The following CYP4X1 variants were observed in gnomAD, a reference collection of about 807,000 sequenced individuals.
CYP4X1 encodes the protein cytochrome P450 family 4 subfamily X member 1.
Under a neutral mutation model 57.9 loss-of-function variants are expected in CYP4X1, and 44 were observed. The observed-to-expected ratio is 0.76, with a 90% CI of 0.60 to 0.98. The LOEUF (loss-of-function observed/expected upper bound fraction) is 0.98. Ranked by LOEUF, CYP4X1 falls within the 50% of genes least tolerant of loss-of-function variation. The probability of loss-of-function intolerance (pLI) is 0.00; values close to 1 mark genes in which losing one functional copy is unlikely to be tolerated. For missense variants in CYP4X1, 532 were observed against 623.9 expected, an observed-to-expected ratio of 0.85 and a Z score of 1.57; for synonymous variants, 227 against 228.6, an observed-to-expected ratio of 0.99 and a Z score of 0.06.
At chr1:47,018,342 C>T in the CYP4X1 span, among the ~76,000 whole-genome samples, 4 of 152,082 alleles carry the variant, frequency 2.6e-5, no homozygotes, top group African/African-American at 9.7e-5. Flanking sequence ...AGTACTGGCT[C>T]TATCAGTTTT....
chr1:47,045,999 A>C (rs549319603), intron 8 of CYP4X1, among the ~76,000 whole-genome samples: 1 of 152,304 alleles, frequency 6.6e-6, no homozygotes, highest in African/African-American at 2.4e-5. Context: ...TCCAAGGAGC[A>C]CAAGTCAGAT....
rs748366371 is a variant in CYP4X1, at chr1:47,035,942, T to C, written c.620+9T>C. On this transcript the variant is annotated intron_variant, in intron 5 of 11. Coordinates refer to ENST00000371901, the MANE Select transcript of CYP4X1 (RefSeq NM_178033.2). ...AACTGCCAGACAAACAGGTCAGTGG[T>C]GGGAGAGCAAAAAAGATATTTCTTC... 6.2e-7 allele frequency: 1 copy of C among 1,612,626 alleles called. No homozygotes were observed. Among genetic ancestry groups the C allele is most frequent in the African/African-American group, 1.3e-5 (1 of 74,858 alleles).
the CYP4X1 span, chr1:47,003,046 C>T: frequency 4.9e-3 from 743 of 152,290 alleles, 13 homozygotes; most frequent in East Asian, 0.047. Flanking sequence ...AGGAAGTGAA[C>T]TTTGCGCCCC....
At chr1:47,022,837 T>C (rs1644013195), upstream of CYP4X1, among the ~76,000 whole-genome samples, 1 of 152,178 alleles carries the variant, frequency 6.6e-6, no homozygotes, top group South Asian at 2.1e-4. Flanking sequence ...ATGTGGGCAA[T>C]GCCTATAAAG....
chr1:46,978,936 A>G, the CYP4X1 span, among the ~76,000 whole-genome samples: 1 of 152,214 alleles, frequency 6.6e-6, no homozygotes, highest in Admixed American at 6.5e-5. Flanking sequence ...GTGAGAACAA[A>G]GACACAACAT....
the CYP4X1 span, among the ~76,000 whole-genome samples, chr1:46,989,245 CACA>C: frequency 1.3e-5 from 2 of 151,922 alleles, no homozygotes; most frequent in African/African-American, 4.8e-5. Context: ...AGCATTCCTA[CACA>C]ACAATAATCG....
downstream of CYP4X1, among the ~76,000 whole-genome samples, chr1:47,051,642 T>C (rs1398814999): frequency 6.6e-6 from 1 of 151,778 alleles, no homozygotes; most frequent in East Asian, 1.9e-4. Context: ...CTAAAATCTA[T>C]ATATAAAAAA....
chr1:47,040,999 G>A (rs1467122360), intron 8 of CYP4X1, among the ~76,000 whole-genome samples: 2 of 151,942 alleles, frequency 1.3e-5, no homozygotes, highest in Non-Finnish European at 2.9e-5. Flanking sequence ...CTGCTTCTTT[G>A]AGTTTAATGT....
chr1:46,993,391 A>G, the CYP4X1 span, among the ~76,000 whole-genome samples: 1 of 152,218 alleles, frequency 6.6e-6, no homozygotes. Context: ...CACAATAAAC[A>G]TACATATGCA....
the CYP4X1 span, among the ~76,000 whole-genome samples, chr1:47,007,263 G>T: frequency 6.6e-6 from 1 of 152,320 alleles, no homozygotes; most frequent in East Asian, 1.9e-4. Context: ...AACATTTGCT[G>T]TTCACCAACA....
In CYP4X1 at chr1:47,029,862, G is replaced by A. The variant is rs142024629; in HGVS notation, c.178-128G>A. The A allele has an allele frequency of 3.0e-4, 292 of 970,648 alleles. 1 individual carries two copies. In the East Asian group the frequency reaches 6.6e-3, roughly 22 times the overall value. 60.1% of individuals were successfully genotyped at this position (970,648 alleles called of 1,614,324 possible). A position where few individuals can be genotyped will look rare whatever the true frequency, so the allele number is the denominator to read the frequency against. On this transcript the variant is annotated intron_variant, in intron 1 of 11. Coordinates refer to ENST00000371901, the MANE Select transcript of CYP4X1 (RefSeq NM_178033.2). ...AGAAGTCCCAAAGAAAGCATGTTAT[G>A]TCACTTCCAGAAAAGTCTCAGGCTC...
At chr1:47,007,673 C>A in the CYP4X1 span, among the ~76,000 whole-genome samples, 3 of 152,010 alleles carry the variant, frequency 2.0e-5, no homozygotes, top group Non-Finnish European at 4.4e-5. Context: ...AAGTTAAAAA[C>A]CTTGAAAAAA....
chr1:47,016,396 C>T, the CYP4X1 span, among the ~76,000 whole-genome samples: 4 of 150,608 alleles, frequency 2.7e-5, no homozygotes, highest in South Asian at 2.1e-4. Context: ...GGCTGCAGTG[C>T]AGTGGCGCTA....
the CYP4X1 span, among the ~76,000 whole-genome samples, chr1:46,974,354 T>C: frequency 6.6e-6 from 1 of 152,170 alleles, no homozygotes; most frequent in Admixed American, 6.6e-5. Context: ...AAGCGTAGGG[T>C]CCATTTTAGA....
chr1:47,039,688 A>G lies in CYP4X1; in HGVS notation c.1073+156A>G, dbSNP rs1364352624. On this transcript the variant is annotated intron_variant, in intron 8 of 11. Transcript: ENST00000371901. ...TTCTGTTCTTTCTAAAGAGAGCTCCAAATTATTCTCTTGTCTTTCAGGAAA... is the reference window on the plus strand; with the variant it reads ...TTCTGTTCTTTCTAAAGAGAGCTCCGAATTATTCTCTTGTCTTTCAGGAAA... 4 of 450,200 alleles carry G rather than the reference A, an allele frequency of 8.9e-6. No homozygotes were observed. In the East Asian group the frequency reaches 1.4e-4, roughly 16 times the overall value. 27.9% of individuals were successfully genotyped at this position (450,200 alleles called of 1,614,324 possible).
the CYP4X1 span, among the ~76,000 whole-genome samples, chr1:46,980,289 C>A: frequency 3.9e-5 from 6 of 152,158 alleles, no homozygotes; most frequent in African/African-American, 1.4e-4. Context: ...TCTCAGGATA[C>A]AAAATCAATG....
At chr1:47,047,592 T>C (rs1185104310) in intron 9 of CYP4X1, among the ~76,000 whole-genome samples, 2 of 148,790 alleles carry the variant, frequency 1.3e-5, no homozygotes, top group East Asian at 3.9e-4. Context: ...ATCACAGTTC[T>C]GTGTGTGTGT....
chr1:46,969,608 T>C, the CYP4X1 span, among the ~76,000 whole-genome samples: 1 of 152,270 alleles, frequency 6.6e-6, no homozygotes, highest in Non-Finnish European at 1.5e-5. Flanking sequence ...TACATTGTTT[T>C]TGGCATTCAT....
At chr1:47,015,453 T>TA in the CYP4X1 span, among the ~76,000 whole-genome samples, 980 of 152,180 alleles carry the variant, frequency 6.4e-3, 14 homozygotes, top group East Asian at 0.046. Context: ...CAGGATTCTC[T>TA]AAAAAAAACT....
Sources: gnomAD v4.1 joint callset for allele counts (sites outside exome capture counted in the v4.1 genomes callset) on GRCh38, gnomAD v4.1.1 for gene constraint, MANE v1.5 for transcripts, NCBI Gene and HGNC (gene_info 2026-07-23, HGNC 2026-07-21) for gene names.